The following KANK1 variants were observed in gnomAD, a reference collection of about 807,000 sequenced individuals.
KANK1 encodes KN motif and ankyrin repeat domains 1.
KANK1 carries 109 observed loss-of-function variants against 106.2 expected under a neutral mutation model. The ratio of observed to expected loss-of-function variants is 1.03; its 90% confidence interval spans 0.88 to 1.20. The LOEUF is 1.20. KANK1 is among the 50% of genes most tolerant of loss of function. The pLI is 0.00. For missense variants in KANK1, 2,399 were observed against 1,710.7 expected, an observed-to-expected ratio of 1.40 and a Z score of -7.10; for synonymous variants, 873 against 652.2, an observed-to-expected ratio of 1.34 and a Z score of -5.16.
chr9:533,987 A>G (rs1004624269), intron 1 of KANK1, among the ~76,000 whole-genome samples: 4 of 152,194 alleles, frequency 2.6e-5, no homozygotes, highest in African/African-American at 9.6e-5. Flanking sequence ...AAGGAGAATA[A>G]TGTAAGTCAC....
intron 1 of KANK1, among the ~76,000 whole-genome samples, chr9:578,174 C>T (rs149367021): frequency 6.6e-6 from 1 of 152,258 alleles, no homozygotes; most frequent in Non-Finnish European, 1.5e-5. Flanking sequence ...ATTGCTTTCT[C>T]GTTGGATCAC....
intron 1 of KANK1, among the ~76,000 whole-genome samples, chr9:658,999 C>G (rs1476481597): frequency 6.6e-6 from 1 of 151,850 alleles, no homozygotes; most frequent in South Asian, 2.1e-4. Context: ...GTTATTCTCA[C>G]TCAACACCTG....
intron 1 of KANK1, among the ~76,000 whole-genome samples, chr9:564,462 A>C (rs192621202): frequency 6.6e-6 from 1 of 152,246 alleles, no homozygotes; most frequent in Admixed American, 6.5e-5. Flanking sequence ...CAACGTAGAC[A>C]CCTAGTTATA....
intron 1 of KANK1, among the ~76,000 whole-genome samples, chr9:603,945 CAAGACTCT>C (rs1369492409): frequency 3.2e-5 from 4 of 125,698 alleles, no homozygotes; most frequent in Non-Finnish European, 6.6e-5. Flanking sequence ...GGTGACAGAG[CAAGACTCT>C]GTCTCAAAAA....
chr9:713,046 T>C lies in KANK1; in HGVS notation c.2280T>C (p.Gly760=), dbSNP rs1425804377. Reference sequence around the variant, plus strand: ...CAGCTGTGAAGACCAAAGAGTCAGGTGTGGGGCAGATAAATATTAACGACA... The same window carrying C: ...CAGCTGTGAAGACCAAAGAGTCAGGCGTGGGGCAGATAAATATTAACGACA... ...RPSAVKTKES[G]VGQININDNY... Residue 760 remains glycine (G), a synonymous_variant, in exon 3 of 12, where the codon GGT becomes GGC. Coordinates refer to ENST00000382297, the MANE Select transcript of KANK1 (RefSeq NM_015158.5). 6.2e-7 allele frequency: 1 copy of C among 1,613,930 alleles called. No homozygotes were observed. The highest frequency in any genetic ancestry group is 8.5e-7 in the Non-Finnish European group (1 of 1,180,014).
At chr9:614,913 A>C (rs1441215154) in intron 1 of KANK1, among the ~76,000 whole-genome samples, 2 of 152,160 alleles carry the variant, frequency 1.3e-5, no homozygotes, top group Non-Finnish European at 2.9e-5. Flanking sequence ...TTCTTAATAT[A>C]GTACAAAATT....
At chr9:544,405 C>T (rs16919380) in intron 1 of KANK1, among the ~76,000 whole-genome samples, 15,190 of 152,114 alleles carry the variant, frequency 0.1, 839 homozygotes, top group African/African-American at 0.13. Context: ...ACATCACTAC[C>T]GCATCTGGTG....
chr9:573,838 A>G (rs1182551192), intron 1 of KANK1, among the ~76,000 whole-genome samples: 1 of 151,982 alleles, frequency 6.6e-6, no homozygotes, highest in African/African-American at 2.4e-5. Context: ...CTACATTTAC[A>G]AGATTCATAC....
At chr9:670,717 C>T (rs1381950590) in intron 1 of KANK1, among the ~76,000 whole-genome samples, 2 of 152,162 alleles carry the variant, frequency 1.3e-5, no homozygotes. Flanking sequence ...GTCCGGCTGT[C>T]CACAGGGTGG....
chr9:592,222 T>G (rs1290982114), intron 1 of KANK1, among the ~76,000 whole-genome samples: 2 of 151,786 alleles, frequency 1.3e-5, no homozygotes, highest in African/African-American at 4.9e-5. Context: ...GAGCAAAGGT[T>G]AGATAATAAG....
At chr9:601,079 A>G (rs545177616) in intron 1 of KANK1, among the ~76,000 whole-genome samples, 12 of 151,852 alleles carry the variant, frequency 7.9e-5, no homozygotes, top group Middle Eastern at 3.4e-3. Context: ...AAGAGTAACC[A>G]CAGTTGCTTT....
intron 2 of KANK1, among the ~76,000 whole-genome samples, chr9:686,459 A>G (rs1056328630): frequency 1.3e-5 from 2 of 152,192 alleles, no homozygotes; most frequent in Non-Finnish European, 2.9e-5. Context: ...CAAGTGGTGA[A>G]TCAGCCTGAT....
At position 689,508 on chromosome 9, in the gene KANK1, G is replaced by C. The variant is rs1819369709; in HGVS notation, c.37+12499G>C. ...GCTAATCCAGGCATGTAAAGGAGGA[G>C]TCCTCATCCAAGACCCAACATGGTG... On this transcript the variant is annotated intron_variant, in intron 2 of 11. Transcript: ENST00000382297. Among the ~76,000 whole-genome samples the C allele has an allele frequency of 2.6e-5, 4 of 152,286 alleles. No homozygotes were observed. The South Asian group carries it at 8.3e-4, about 32-fold the overall frequency.
rs146334362 is a variant in KANK1 at position 654,213 on chromosome 9, A to G, written c.-83-22677A>G. Among the ~76,000 whole-genome samples the G allele has an allele frequency of 5.1e-3, 773 of 152,344 alleles. 26 individuals are homozygous for G. Among genetic ancestry groups the G allele is most frequent in the East Asian group, 3.3e-3 (17 of 5,190 alleles). The stretch of plus-strand genomic sequence containing the variant: ...ATTCAGTAGCCCGTTGTGGGGCCCA[A>G]GCATTTCTAATAAGTCCTCAGGTGA... On this transcript the variant is annotated intron_variant, in intron 1 of 11. Coordinates refer to ENST00000382297, the MANE Select transcript of KANK1 (RefSeq NM_015158.5).
Position 711,054 on chromosome 9 carries a change from C to T in KANK1, c.288C>T (p.Asn96=), listed in dbSNP as rs1410094641. The change falls in exon 3 of 12, where the codon AAC becomes AAT. Residue 96 remains asparagine, a synonymous_variant. Transcript: ENST00000382297. The part of the protein sequence containing the change: ...WTSTESLSSS[N]SDDNKQCPNF... The stretch of plus-strand genomic sequence containing the variant: ...CCACTGAATCCCTCTCATCCTCCAA[C>T]AGTGATGACAACAAGCAGTGCCCCA... 6 of 1,614,080 alleles carry T rather than the reference C, an allele frequency of 3.7e-6. No homozygotes were observed. In the African/African-American group the frequency reaches 5.3e-5, roughly 14 times the overall value.
intron 2 of KANK1, among the ~76,000 whole-genome samples, chr9:710,218 A>G (rs1205508145): frequency 1.3e-5 from 2 of 152,206 alleles, no homozygotes; most frequent in Non-Finnish European, 2.9e-5. Context: ...AGTTTTAAAA[A>G]ATAATACAAT....
chr9:501,361 C>T (rs1282693981), upstream of KANK1, among the ~76,000 whole-genome samples: 1 of 151,990 alleles, frequency 6.6e-6, no homozygotes, highest in Non-Finnish European at 1.5e-5. Context: ...TCCATCTTTT[C>T]TTGAAAATGA....
chr9:701,750 C>T (rs1018343614), intron 2 of KANK1, among the ~76,000 whole-genome samples: 4 of 152,130 alleles, frequency 2.6e-5, no homozygotes, highest in East Asian at 1.9e-4. Context: ...GGTTAGTACT[C>T]GACTAGTTTC....
At chr9:550,130 T>C (rs1187967619) in intron 1 of KANK1, among the ~76,000 whole-genome samples, 2 of 152,172 alleles carry the variant, frequency 1.3e-5, no homozygotes, top group Non-Finnish European at 2.9e-5. Context: ...ACGAGTTACC[T>C]GTTTGCAAGC....
Sources: allele counts gnomAD v4.1 joint callset (sites outside exome capture counted in the v4.1 genomes callset), GRCh38; gene constraint gnomAD v4.1.1; transcripts MANE v1.5; gene names NCBI Gene and HGNC (gene_info 2026-07-23, HGNC 2026-07-21).